Variants in HEMK2 observed in about 807,000 individuals in gnomAD.
HEMK2 encodes the protein methyltransferase HEMK2.
the HEMK2 span, among the ~76,000 whole-genome samples, chr21:28,843,298 CTT>C: frequency 6.6e-6 from 1 of 152,092 alleles, no homozygotes; most frequent in African/African-American, 2.4e-5. Flanking sequence ...CCTGAGGAAA[CTT>C]ACAATCATGG....
chr21:28,815,974 C>T, the HEMK2 span, among the ~76,000 whole-genome samples: 1 of 152,092 alleles, frequency 6.6e-6, no homozygotes, highest in South Asian at 2.1e-4. Flanking sequence ...TAAAATGAGG[C>T]TGTTAGTGTG....
chr21:28,776,103 A>G, the HEMK2 span, among the ~76,000 whole-genome samples: 349 of 152,292 alleles, frequency 2.3e-3, 2 homozygotes, highest in African/African-American at 8.0e-3. Flanking sequence ...TAATTCAAGG[A>G]ATGGGGAGAA....
At chr21:28,882,245 G>A in the HEMK2 span, 3 of 1,610,870 alleles carry the variant, frequency 1.9e-6, no homozygotes, top group African/African-American at 1.3e-5. Flanking sequence ...GTTGATATCA[G>A]TGCACCTATA....
At chr21:28,844,157 T>G in the HEMK2 span, among the ~76,000 whole-genome samples, 2 of 152,096 alleles carry the variant, frequency 1.3e-5, no homozygotes, top group Non-Finnish European at 2.9e-5. Flanking sequence ...TCCATAGTGG[T>G]CAATTTGGTA....
chr21:28,609,566 G>GAAAAAAAAAAAAAA, the HEMK2 span, among the ~76,000 whole-genome samples: 1 of 41,766 alleles, frequency 2.4e-5, no homozygotes, highest in Non-Finnish European at 6.2e-5. Context: ...TGAATTGCCA[G>GAAAAAAAAAAAAAA]GAAAAAAAAA....
At chr21:28,605,818 A>C in the HEMK2 span, among the ~76,000 whole-genome samples, 2 of 152,240 alleles carry the variant, frequency 1.3e-5, no homozygotes, top group Non-Finnish European at 2.9e-5. Context: ...ATACTTTATT[A>C]GTAAGTGCCA....
the HEMK2 span, among the ~76,000 whole-genome samples, chr21:28,764,281 G>A: frequency 2.6e-5 from 4 of 152,046 alleles, no homozygotes; most frequent in Admixed American, 1.3e-4. Context: ...GTATCTGCAA[G>A]TTGTTGTGCA....
At chr21:28,698,626 C>A in the HEMK2 span, among the ~76,000 whole-genome samples, 2,188 of 152,078 alleles carry the variant, frequency 0.014, 54 homozygotes, top group African/African-American at 0.05. Flanking sequence ...TAAATAAGAT[C>A]AAAAAACTGC....
chr21:28,622,431 T>A, the HEMK2 span, among the ~76,000 whole-genome samples: 4 of 152,156 alleles, frequency 2.6e-5, no homozygotes, highest in Non-Finnish European at 4.4e-5. Context: ...TTCAATGCTA[T>A]CCCCATCAAG....
At chr21:28,658,526 A>C in the HEMK2 span, among the ~76,000 whole-genome samples, 1 of 152,050 alleles carries the variant, frequency 6.6e-6, no homozygotes, top group Non-Finnish European at 1.5e-5. Context: ...TGCCATGTTG[A>C]AGACCTTTGT....
At chr21:28,669,441 T>C in the HEMK2 span, among the ~76,000 whole-genome samples, 28,061 of 152,120 alleles carry the variant, frequency 0.18, 2,795 homozygotes, top group East Asian at 0.38. Context: ...TCTTTGCCAT[T>C]TGACTTTGCA....
At chr21:28,668,358 G>A in the HEMK2 span, among the ~76,000 whole-genome samples, 1 of 152,124 alleles carries the variant, frequency 6.6e-6, no homozygotes, top group Admixed American at 6.6e-5. Flanking sequence ...GGATCTGTGA[G>A]GTAGCCATGG....
At chr21:28,604,956 C>G in the HEMK2 span, among the ~76,000 whole-genome samples, 3 of 152,320 alleles carry the variant, frequency 2.0e-5, no homozygotes, top group Middle Eastern at 3.4e-3. Context: ...GTGCATGTAA[C>G]TACCTTAAGG....
the HEMK2 span, among the ~76,000 whole-genome samples, chr21:28,657,141 T>C: frequency 6.6e-5 from 10 of 152,112 alleles, no homozygotes; most frequent in Non-Finnish European, 1.5e-4. Flanking sequence ...TGTTTTTCTA[T>C]TGTAAAAACT....
chr21:28,771,332 A>G, the HEMK2 span, among the ~76,000 whole-genome samples: 4 of 152,158 alleles, frequency 2.6e-5, no homozygotes, highest in Middle Eastern at 3.2e-3. Context: ...AGATATTTTC[A>G]TATTAAATCT....
At chr21:28,665,320 A>AT in the HEMK2 span, among the ~76,000 whole-genome samples, 1 of 117,924 alleles carries the variant, frequency 8.5e-6, no homozygotes. Flanking sequence ...ACATTTGAAA[A>AT]CTTATTTATA....
the HEMK2 span, among the ~76,000 whole-genome samples, chr21:28,863,449 T>C: frequency 2.5e-4 from 24 of 97,552 alleles, 1 homozygote; most frequent in African/African-American, 1.0e-3. Flanking sequence ...TATATATATA[T>C]ATATATATAT....
the HEMK2 span, among the ~76,000 whole-genome samples, chr21:28,679,641 T>C: frequency 8.5e-5 from 13 of 152,116 alleles, no homozygotes; most frequent in South Asian, 2.1e-4. Flanking sequence ...ATTGACCACA[T>C]AGTTGGAAGC....
At chr21:28,885,068 C>CGGCGTCCT in the HEMK2 span, 6 of 1,236,396 alleles carry the variant, frequency 4.9e-6, no homozygotes, top group Non-Finnish European at 6.5e-6. Flanking sequence ...TTCTCAATTA[C>CGGCGTCCT]GGCGTCCTGG....
Sources: gnomAD v4.1 joint callset for allele counts (sites outside exome capture counted in the v4.1 genomes callset) on GRCh38, gnomAD v4.1.1 for gene constraint, MANE v1.5 for transcripts, NCBI Gene and HGNC (gene_info 2026-07-23, HGNC 2026-07-21) for gene names.